SPATS2L: variants seen among roughly 807,000 people sequenced by gnomAD.
SPATS2L encodes the protein spermatogenesis associated serine rich 2 like.
SPATS2L carries 30 observed loss-of-function variants against 59.6 expected under a neutral mutation model. The ratio of observed to expected loss-of-function variants is 0.50; its 90% CI spans 0.38 to 0.68. The LOEUF is 0.68. SPATS2L is among the 30% of genes least tolerant of loss of function. SPATS2L has a pLI of 0.00. For missense variants in SPATS2L, 615 were observed against 700.0 expected (o/e 0.88, Z 1.37); for synonymous variants, 252 against 263.5 (o/e 0.96, Z 0.42).
intron 2 of SPATS2L, among the ~76,000 whole-genome samples, chr2:200,360,967 C>CTGTGTGTGTGTGTGTGTGTGTG (rs145080452): frequency 1.4e-5 from 2 of 140,338 alleles, no homozygotes; most frequent in African/African-American, 2.6e-5. Flanking sequence ...CAGAACAGGG[C>CTGTGTGTGTGTGTGTGTGTGTG]TGTGTGTGTG....
intron 2 of SPATS2L, among the ~76,000 whole-genome samples, chr2:200,344,884 G>A (rs1247117137): frequency 6.6e-6 from 1 of 152,030 alleles, no homozygotes; most frequent in Non-Finnish European, 1.5e-5. Flanking sequence ...AGAAGTGTCT[G>A]TTCATATCCT....
At chr2:200,367,965 TA>T (rs1282261492) in intron 2 of SPATS2L, among the ~76,000 whole-genome samples, 4 of 152,268 alleles carry the variant, frequency 2.6e-5, no homozygotes, top group Non-Finnish European at 4.4e-5. Flanking sequence ...AAAACAGCGT[TA>T]TAAGAAAGTA....
chr2:200,422,245 AG>A (rs1386696381), intron 6 of SPATS2L, among the ~76,000 whole-genome samples: 7 of 152,224 alleles, frequency 4.6e-5, no homozygotes, highest in Non-Finnish European at 7.3e-5. Flanking sequence ...TTTCTGTTAA[AG>A]AGTAAATGAG....
intron 6 of SPATS2L, 109 bp downstream of exon 6, chr2:200,419,605 T>G (rs2083224170): frequency 1.5e-6 from 2 of 1,292,074 alleles, no homozygotes; most frequent in East Asian, 2.4e-5. Flanking sequence ...GTTGTTTTTC[T>G]GCAGTGTGTA....
upstream of SPATS2L, chr2:200,306,574 G>C (rs563397302): frequency 1.0e-6 from 1 of 1,001,934 alleles, no homozygotes; most frequent in African/African-American, 1.7e-5. Flanking sequence ...GCGGGAGCGA[G>C]GGGCGCCGGC....
chr2:200,347,972 G>T (rs1427813857), intron 2 of SPATS2L, among the ~76,000 whole-genome samples: 1 of 152,050 alleles, frequency 6.6e-6, no homozygotes, highest in Non-Finnish European at 1.5e-5. Context: ...CCCATATATG[G>T]CCTGCTAAAA....
rs903875306 is a variant in SPATS2L at position 200,478,357 on chromosome 2, C to T, written c.*326C>T. 4.8e-5 allele frequency: 10 copies of T among 207,548 alleles called. No individual in the cohort carries two copies. The highest frequency in any genetic ancestry group is 8.5e-5 in the Non-Finnish European group (9 of 105,376). The allele number at this position is 207,548 out of a possible 1,614,324, so 12.9% of individuals were successfully genotyped here. On this transcript the variant is annotated 3_prime_UTR_variant, in exon 13 of 13. Coordinates refer to ENST00000409140, the MANE Select transcript of SPATS2L (RefSeq NM_001100423.2). ...CTGTGTTGTAGCAGTGATGTCAGTC[C>T]ATTGATTGTCTTTAGAGAGTTAATG...
At chr2:200,326,063 T>C (rs1481322675) in intron 1 of SPATS2L, among the ~76,000 whole-genome samples, 1 of 152,228 alleles carries the variant, frequency 6.6e-6, no homozygotes, top group East Asian at 1.9e-4. Context: ...AAGTAACTTA[T>C]CAAAGGGCAC....
chr2:200,371,039 T>C (rs1467090610), intron 2 of SPATS2L, among the ~76,000 whole-genome samples: 1 of 152,184 alleles, frequency 6.6e-6, no homozygotes, highest in African/African-American at 2.4e-5. Context: ...TCAGGTCATA[T>C]GAGGAAATCT....
At chr2:200,468,996 T>G (rs1016322428) in intron 10 of SPATS2L, among the ~76,000 whole-genome samples, 2 of 152,210 alleles carry the variant, frequency 1.3e-5, no homozygotes, top group Non-Finnish European at 2.9e-5. Context: ...GCTGCAAAAT[T>G]TTCTACTTCT....
At chr2:200,366,450 CT>C (rs2081272227) in intron 2 of SPATS2L, among the ~76,000 whole-genome samples, 1 of 151,876 alleles carries the variant, frequency 6.6e-6, no homozygotes. Context: ...TGTTTTTTAC[CT>C]AGGGAGAGTT....
intron 12 of SPATS2L, among the ~76,000 whole-genome samples, chr2:200,477,365 G>T (rs2087607379): frequency 6.6e-6 from 1 of 151,936 alleles, no homozygotes; most frequent in African/African-American, 2.4e-5. Context: ...ATTTGACCCA[G>T]TTTTTGAATT....
intron 2 of SPATS2L, among the ~76,000 whole-genome samples, chr2:200,379,781 C>T (rs377010839): frequency 1.3e-5 from 2 of 152,234 alleles, no homozygotes; most frequent in East Asian, 3.9e-4. Flanking sequence ...TGCTGAACCT[C>T]TTCTCTGCTT....
At chr2:200,380,717 G>A (rs1050095312) in intron 2 of SPATS2L, among the ~76,000 whole-genome samples, 17 of 152,172 alleles carry the variant, frequency 1.1e-4, no homozygotes, top group Admixed American at 1.1e-3. Context: ...ATTTTTTTCT[G>A]ACATTTGCCC....
chr2:200,314,469 G>A (rs2079298062), intron 1 of SPATS2L, among the ~76,000 whole-genome samples: 1 of 150,864 alleles, frequency 6.6e-6, no homozygotes, highest in Non-Finnish European at 1.5e-5. Context: ...TCCTCATACT[G>A]CTGCCTTTCT....
Position 200,470,082 on chromosome 2 carries a change from T to G in SPATS2L, c.1060+66T>G, listed in dbSNP as rs1039873997. On this transcript the variant is annotated intron_variant, in intron 11 of 12. Transcript: ENST00000409140. ...CCTTGGTGCTATTTGGAGTTGCTAT[T>G]GGAAATGTCAGGTGTGCAGTCCCCC... 9 of 1,357,532 alleles carry G rather than the reference T, an allele frequency of 6.6e-6. No homozygotes were observed. The African/African-American group carries it at 1.0e-4, about 15-fold the overall frequency. 84.1% of individuals were successfully genotyped at this position (1,357,532 alleles called of 1,614,324 possible).
At chr2:200,472,742 G>A in intron 11 of SPATS2L, 90 bp from the exon 12 acceptor site, 1 of 1,159,372 alleles carries the variant, frequency 8.6e-7, no homozygotes, top group Non-Finnish European at 1.3e-6. Context: ...CTCCTGGCCA[G>A]TTTCTTCATC....
rs1465706997 is a variant in SPATS2L, at chr2:200,478,647, T to C, written c.*616T>C. On this transcript the variant is annotated 3_prime_UTR_variant, in exon 13 of 13. Coordinates refer to ENST00000409140, the MANE Select transcript of SPATS2L (RefSeq NM_001100423.2). The stretch of plus-strand genomic sequence containing the variant: ...GTGCAAAGCTGTGTACAATAAATAC[T>C]GTTTCTGTTGAGACAAGTACTCTTT... 1 of 152,642 alleles carries C rather than the reference T, an allele frequency of 6.6e-6. No individual in the cohort carries two copies. The highest frequency in any genetic ancestry group is 1.5e-5 in the Non-Finnish European group (1 of 68,042). The allele number at this position is 152,642 out of a possible 1,614,324, so 9.5% of individuals were successfully genotyped here.
intron 9 of SPATS2L, among the ~76,000 whole-genome samples, chr2:200,466,342 G>A (rs895512664): frequency 2.0e-5 from 3 of 152,162 alleles, no homozygotes; most frequent in African/African-American, 7.2e-5. Context: ...AAGAAATGAA[G>A]GCAATTCATA....
Sources: allele counts gnomAD v4.1 joint callset (sites outside exome capture counted in the v4.1 genomes callset), GRCh38; gene constraint gnomAD v4.1.1; transcripts MANE v1.5; gene names NCBI Gene and HGNC (gene_info 2026-07-23, HGNC 2026-07-21).